The following FAM117A variants were observed in gnomAD, a reference collection of about 807,000 sequenced individuals.
FAM117A encodes the protein protein FAM117A.
Under a neutral mutation model 44.1 loss-of-function variants are expected in FAM117A, and 21 were observed. That is an observed-to-expected ratio of 0.48 (90% CI 0.34 to 0.69). The LOEUF is 0.69. Ranked by LOEUF, FAM117A falls within the 30% of genes least tolerant of loss-of-function variation. The probability of loss-of-function intolerance (pLI) is 0.01; values close to 1 mark genes in which losing one functional copy is unlikely to be tolerated. For synonymous variants in FAM117A, 220 were observed against 238.3 expected (o/e 0.92, Z 0.71); for missense variants, 498 against 589.9 (o/e 0.84, Z 1.61).
chr17:49,745,333 C>T (rs976722528), intron 1 of FAM117A, among the ~76,000 whole-genome samples: 7 of 152,202 alleles, frequency 4.6e-5, no homozygotes, highest in African/African-American at 4.8e-5. Context: ...CTTTATGCAA[C>T]TCCCAGAGTA....
chr17:49,735,389 CA>C (rs558001753), intron 1 of FAM117A, among the ~76,000 whole-genome samples: 59 of 139,070 alleles, frequency 4.2e-4, no homozygotes, highest in Middle Eastern at 3.7e-3. Flanking sequence ...GACTCCGTCT[CA>C]AAAAAAAAAA....
upstream of FAM117A, among the ~76,000 whole-genome samples, chr17:49,767,735 T>C (rs992886236): frequency 2.0e-5 from 3 of 152,154 alleles, no homozygotes; most frequent in Non-Finnish European, 2.9e-5. Flanking sequence ...AAATCCTGTC[T>C]CTGCTAAAAA....
intron 1 of FAM117A, among the ~76,000 whole-genome samples, chr17:49,761,106 G>T (rs1275196880): frequency 6.6e-6 from 1 of 152,196 alleles, no homozygotes; most frequent in Non-Finnish European, 1.5e-5. Flanking sequence ...CAGGATGTGT[G>T]GTGGGGAGAT....
intron 7 of FAM117A, among the ~76,000 whole-genome samples, 193 bp from the exon 8 acceptor site, chr17:49,711,748 T>C (rs1223619031): frequency 2.0e-5 from 3 of 152,138 alleles, no homozygotes; most frequent in Admixed American, 2.0e-4. Flanking sequence ...CAACGGGAAA[T>C]GCTCTTCAGC....
rs2073510357 is a variant in FAM117A, at chr17:49,717,561, C to G, written c.862G>C (p.Glu288Gln). 1.9e-6 allele frequency: 3 copies of G among 1,614,162 alleles called. No homozygotes were observed. The highest frequency in any genetic ancestry group is 3.3e-4 in the Middle Eastern group (2 of 6,062). Residue 288 changes from glutamate to glutamine, a missense_variant, in exon 6 of 8, where the codon GAA (glutamate) becomes CAA (glutamine). Around this residue, in one of 3 missense-constraint regions of FAM117A, gnomAD observed 224 missense variants for 296.5 expected, o/e 0.76. Transcript: ENST00000240364. ...AGCTCCTCGGCGGCACCCCGATGTT[C>G]CTCATGACTGGCCAGGCCACAAGGC... ...PQPCGLASHE[E>Q]HRGAAEELAS...
At chr17:49,782,611 AC>A (rs1441940039) in intron 1 of FAM117A, among the ~76,000 whole-genome samples, 1 of 143,528 alleles carries the variant, frequency 7.0e-6, no homozygotes. Flanking sequence ...AATCGCTTGA[AC>A]CCGGGAGGCA....
At chr17:49,725,584 T>C (rs976290019) in intron 2 of FAM117A, among the ~76,000 whole-genome samples, 2 of 152,168 alleles carry the variant, frequency 1.3e-5, no homozygotes, top group South Asian at 4.1e-4. Flanking sequence ...CATGTGCGTA[T>C]CTGAGGTAAG....
intron 1 of FAM117A, among the ~76,000 whole-genome samples, chr17:49,786,821 T>C (rs923980407): frequency 6.8e-6 from 1 of 147,424 alleles, no homozygotes; most frequent in Non-Finnish European, 1.5e-5. Flanking sequence ...CTGGGAGTGG[T>C]GGCTCACACC....
At chr17:49,757,195 C>A (rs991690744) in intron 1 of FAM117A, among the ~76,000 whole-genome samples, 2 of 151,872 alleles carry the variant, frequency 1.3e-5, no homozygotes, top group Non-Finnish European at 2.9e-5. Flanking sequence ...CTGTCCTCCA[C>A]CCCCCCAGCA....
At chr17:49,719,313 C>G (rs1401888658) in intron 5 of FAM117A, among the ~76,000 whole-genome samples, 1 of 151,916 alleles carries the variant, frequency 6.6e-6, no homozygotes, top group Non-Finnish European at 1.5e-5. Flanking sequence ...CATATTCTGC[C>G]TGGGAGTGGA....
rs923937006 is a variant in FAM117A at position 49,710,478 on chromosome 17, C to A, written c.*777G>T. 5.2e-5 allele frequency: 8 copies of A among 152,624 alleles called. No homozygotes were observed. The highest frequency in any genetic ancestry group is 5.2e-4 in the Admixed American group (8 of 15,284). The allele number at this position is 152,624 out of a possible 1,614,324, so 9.5% of individuals were successfully genotyped here. A position where few individuals can be genotyped will look rare whatever the true frequency, so the allele number is the denominator to read the frequency against. Reference sequence around the variant, plus strand: ...GTACGGAAAATATACAAACTTCAAACAGCTGCAAAAATAGTGTCTTTGGGA... The same window carrying A: ...GTACGGAAAATATACAAACTTCAAAAAGCTGCAAAAATAGTGTCTTTGGGA... On this transcript the variant is annotated 3_prime_UTR_variant, in exon 8 of 8. Transcript: ENST00000240364.
chr17:49,757,458 G>T (rs778740366), intron 1 of FAM117A, among the ~76,000 whole-genome samples: 8 of 152,194 alleles, frequency 5.3e-5, no homozygotes, highest in African/African-American at 9.7e-5. Flanking sequence ...TGACTGCAAG[G>T]CTTGGCATTC....
rs549371857 is a variant in FAM117A, at chr17:49,728,112, C to A, written c.366+4439G>T. Among the ~76,000 whole-genome samples the A allele has an allele frequency of 2.6e-5, 4 of 152,364 alleles. No homozygotes were observed. In the East Asian group the frequency reaches 7.7e-4, roughly 29 times the overall value. On this transcript the variant is annotated intron_variant, in intron 2 of 7. Transcript: ENST00000240364. ...CAACTCTCAGATTTTCCATCATGGC[C>A]CCATTTTCAAATGTTTGGTACTTTT...
intron 1 of FAM117A, among the ~76,000 whole-genome samples, chr17:49,780,978 C>G (rs1002792512): frequency 6.6e-6 from 1 of 152,102 alleles, no homozygotes; most frequent in African/African-American, 2.4e-5. Context: ...TTATAGGTGC[C>G]CACCACCATG....
In FAM117A at chr17:49,715,819, GCT is replaced by G. The variant is rs142446168; in HGVS notation, c.1061+344_1061+345del. Among the ~76,000 whole-genome samples, 262 of 151,780 alleles carry G rather than the reference GCT, an allele frequency of 1.7e-3. 1 individual carries two copies. The highest frequency in any genetic ancestry group is 0.014 in the Middle Eastern group (4 of 292). ...CCCACACCCCCCATCTCTCGCTCTCGCTCTCTCTCTCTGATTATGGTCTAGCA... is the reference window on the plus strand; with the variant it reads ...CCCACACCCCCCATCTCTCGCTCTCGCTCTCTCTCTGATTATGGTCTAGCA... On this transcript the variant is annotated intron_variant, in intron 7 of 7. Coordinates refer to ENST00000240364, the MANE Select transcript of FAM117A (RefSeq NM_030802.4).
intron 1 of FAM117A, among the ~76,000 whole-genome samples, chr17:49,780,696 A>G (rs771068097): frequency 9.9e-5 from 15 of 152,070 alleles, no homozygotes; most frequent in Non-Finnish European, 1.8e-4. Context: ...CATCCATGCC[A>G]TGTACACATT....
At chr17:49,711,936 G>T (rs183887415) in intron 7 of FAM117A, among the ~76,000 whole-genome samples, 1 of 152,320 alleles carries the variant, frequency 6.6e-6, no homozygotes, top group East Asian at 1.9e-4. Context: ...CTTGAGGTCA[G>T]GAGTTCGAGA....
Position 49,722,606 on chromosome 17 carries a change from G to C in FAM117A, c.367-12C>G, listed in dbSNP as rs1234942202. 1.9e-6 allele frequency: 3 copies of C among 1,610,552 alleles called. No individual in the cohort carries two copies. The highest frequency in any genetic ancestry group is 1.7e-5 in the Admixed American group (1 of 59,882). ...CAGGACAGGGGCGTCTGCAGGGAGA[G>C]AAACACAGTGAGACACAGCAGCTTC... On this transcript the variant is annotated splice_polypyrimidine_tract_variant and intron_variant, in intron 2 of 7. Transcript: ENST00000240364.
At chr17:49,755,877 C>A (rs185467658) in intron 1 of FAM117A, among the ~76,000 whole-genome samples, 196 of 152,300 alleles carry the variant, frequency 1.3e-3, no homozygotes, top group Non-Finnish European at 2.1e-3. Flanking sequence ...CTCAATCCAA[C>A]AAGTATTTAT....
Sources: gnomAD v4.1 joint callset for allele counts (sites outside exome capture counted in the v4.1 genomes callset) on GRCh38, gnomAD v4.1.1 for gene constraint, gnomAD v4.1.1 regional missense constraint, MANE v1.5 for transcripts, NCBI Gene and HGNC (gene_info 2026-07-23, HGNC 2026-07-21) for gene names.